SPACA1: variants seen among roughly 807,000 people sequenced by gnomAD.
The protein encoded by SPACA1 is sperm acrosome associated 1, also known as sperm acrosome membrane-associated protein 1.
A neutral mutation model predicts 32.6 loss-of-function variants in SPACA1; 17 were observed. That is an observed-to-expected ratio of 0.52 (90% CI 0.36 to 0.78). SPACA1 has a LOEUF of 0.78. Among genes scored for constraint, SPACA1 ranks in the 30% least tolerant of loss-of-function variants. SPACA1 has a pLI of 0.01. For synonymous variants in SPACA1, 140 were observed against 138.1 expected (o/e 1.01, Z -0.10); for missense variants, 363 against 373.4 (o/e 0.97, Z 0.23).
rs758167000 is a variant in SPACA1, at chr6:88,062,420, A to G, written c.611-1679A>G. ...CTGTATAATGCAATAGTTGGATCAG[A>G]TGATCTCTGTAGTTCTTTCTTCCAT... On this transcript the variant is annotated intron_variant, in intron 5 of 6. Coordinates refer to ENST00000237201, the MANE Select transcript of SPACA1 (RefSeq NM_030960.3). Among the ~76,000 whole-genome samples, 14 of 152,326 alleles carry G rather than the reference A, an allele frequency of 9.2e-5. No individual in the cohort carries two copies. In the East Asian group the frequency reaches 9.6e-4, roughly 10 times the overall value.
At chr6:88,061,507 GA>G (rs1775897415) in intron 5 of SPACA1, among the ~76,000 whole-genome samples, 1 of 151,894 alleles carries the variant, frequency 6.6e-6, no homozygotes, top group Non-Finnish European at 1.5e-5. Flanking sequence ...AAGACACAGA[GA>G]AACAGACATA....
chr6:88,058,568 G>A (rs927159809), intron 3 of SPACA1, 148 bp from the exon 4 acceptor site: 18 of 560,050 alleles, frequency 3.2e-5, no homozygotes, highest in South Asian at 6.7e-5. Context: ...GAGCCCAGGA[G>A]GCAGAGATTG....
chr6:88,065,527 T>C (rs1306176793), intron 6 of SPACA1, among the ~76,000 whole-genome samples: 1 of 149,446 alleles, frequency 6.7e-6, no homozygotes, highest in Non-Finnish European at 1.5e-5. Flanking sequence ...AGTGCCTTTT[T>C]ATTCATTATT....
intron 5 of SPACA1, 97 bp downstream of exon 5, chr6:88,059,685 C>G (rs1464351566): frequency 1.1e-5 from 13 of 1,202,876 alleles, no homozygotes; most frequent in Non-Finnish European, 1.5e-5. Flanking sequence ...CTCTAGCCCT[C>G]CCCCCAGAGT....
intron 1 of SPACA1, among the ~76,000 whole-genome samples, chr6:88,049,330 A>G (rs931559506): frequency 2.0e-5 from 3 of 152,246 alleles, no homozygotes; most frequent in African/African-American, 7.2e-5. Context: ...CAATAAAGTT[A>G]TAATGTCTTA....
Position 88,057,694 on chromosome 6 carries a change from T to C in SPACA1, c.348T>C (p.Arg116=). ...GTGTTGTACGGGTAGAAGAATGCCG[T>C]GGACCAACAGATTGTGGCTGTGAGT... is the stretch of plus-strand genomic sequence containing the variant. ...SKCVVRVEEC[R]GPTDCGWGKP... Residue 116 remains arginine, a synonymous_variant, in exon 3 of 7, where the codon CGT becomes CGC. Coordinates refer to ENST00000237201, the MANE Select transcript of SPACA1 (RefSeq NM_030960.3). The C allele has an allele frequency of 6.2e-7, 1 of 1,613,962 alleles. No homozygotes were observed. The highest frequency in any genetic ancestry group is 8.5e-7 in the Non-Finnish European group (1 of 1,179,892).
chr6:88,049,053 A>G (rs1329137690), intron 1 of SPACA1, among the ~76,000 whole-genome samples: 3 of 152,204 alleles, frequency 2.0e-5, no homozygotes, highest in East Asian at 1.9e-4. Flanking sequence ...CAGCACCAAC[A>G]GAAAGAAATG....
intron 2 of SPACA1, 94 bp downstream of exon 2, chr6:88,054,096 T>C: frequency 9.9e-7 from 1 of 1,007,960 alleles, no homozygotes; most frequent in Non-Finnish European, 1.5e-6. Context: ...ACTTGTGTAC[T>C]TTCATGCATC....
chr6:88,047,840 C>T, upstream of SPACA1: 1 of 1,424,470 alleles, frequency 7.0e-7, no homozygotes, highest in Non-Finnish European at 9.3e-7. Flanking sequence ...CAGCTCTCTT[C>T]GACGTACCTG....
Position 88,057,716 on chromosome 6 carries a change from G to A in SPACA1, c.367+3G>A. On this transcript the variant is annotated splice_donor_region_variant and intron_variant, in intron 3 of 6. Transcript: ENST00000237201. ...CCGTGGACCAACAGATTGTGGCTGTGAGTTGAATTATGTATTGGAGGGAGA... is the reference window on the plus strand; with the variant it reads ...CCGTGGACCAACAGATTGTGGCTGTAAGTTGAATTATGTATTGGAGGGAGA... The A allele has an allele frequency of 6.2e-7, 1 of 1,612,660 alleles. No homozygotes were observed. Among genetic ancestry groups the A allele is most frequent in the Non-Finnish European group, 8.5e-7 (1 of 1,178,692 alleles).
chr6:88,061,499 GAC>G (rs1443690105), intron 5 of SPACA1, among the ~76,000 whole-genome samples: 1 of 151,906 alleles, frequency 6.6e-6, no homozygotes, highest in Non-Finnish European at 1.5e-5. Flanking sequence ...GCCAGGTGAA[GAC>G]ACAGAGAAAC....
chr6:88,053,271 T>A (rs1202956554), intron 1 of SPACA1, among the ~76,000 whole-genome samples: 1 of 152,234 alleles, frequency 6.6e-6, no homozygotes, highest in East Asian at 1.9e-4. Flanking sequence ...ATTTTTTCTA[T>A]TGAGACTTTC....
At position 88,066,236 on chromosome 6, in the gene SPACA1, C is replaced by G; in HGVS notation, c.786C>G (p.Ser262=). Residue 262 remains serine, a synonymous_variant, in exon 7 of 7, where the codon TCC becomes TCG. Coordinates refer to ENST00000237201, the MANE Select transcript of SPACA1 (RefSeq NM_030960.3). ...GAKASTPEVQ[S]EQSSVRYKDS... The stretch of plus-strand genomic sequence containing the variant: ...AAGCCTCTACACCTGAGGTACAATC[C>G]GAGCAGAGTTCTGTGAGATACAAAG... 1 of 1,611,884 alleles carries G rather than the reference C, an allele frequency of 6.2e-7. No homozygotes were observed. Among genetic ancestry groups the G allele is most frequent in the African/African-American group, 1.3e-5 (1 of 74,958 alleles).
chr6:88,059,669 AC>A, intron 5 of SPACA1, 81 bp downstream of exon 5: 3 of 1,372,120 alleles, frequency 2.2e-6, no homozygotes, highest in Non-Finnish European at 3.0e-6. Context: ...TTGTTAAAAC[AC>A]CAGTCTCTAG....
chr6:88,049,060 A>G (rs1010801337), intron 1 of SPACA1, among the ~76,000 whole-genome samples: 10 of 152,216 alleles, frequency 6.6e-5, no homozygotes, highest in African/African-American at 2.2e-4. Context: ...AACAGAAAGA[A>G]ATGAACTGTC....
intron 2 of SPACA1, among the ~76,000 whole-genome samples, chr6:88,057,382 T>C (rs1307124836): frequency 6.6e-6 from 1 of 152,202 alleles, no homozygotes; most frequent in Non-Finnish European, 1.5e-5. Flanking sequence ...CTTTTTCTTA[T>C]GGTAACCAGA....
At chr6:88,047,101 C>T (rs1356981405), upstream of SPACA1, among the ~76,000 whole-genome samples, 1 of 152,170 alleles carries the variant, frequency 6.6e-6, no homozygotes, top group African/African-American at 2.4e-5. Context: ...TCAACCCTAA[C>T]TTTTCAGCGC....
In SPACA1 at chr6:88,064,161, A is replaced by T. The variant is rs766186430; in HGVS notation, c.673A>T (p.Ile225Leu). ...TGCAGCCCTAATTTTTGTGCTGACCATAGGAGTCATTATCTGTGTATTTAT... is the reference window on the plus strand; with the variant it reads ...TGCAGCCCTAATTTTTGTGCTGACCTTAGGAGTCATTATCTGTGTATTTAT... Reference protein sequence around the residue: ...TDAALIFVLTIGVIICVFIIF... With the variant: ...TDAALIFVLTLGVIICVFIIF... Residue 225 changes from isoleucine (I) to leucine (L), a missense_variant, in exon 6 of 7, where the codon ATA (isoleucine) becomes TTA (leucine). Transcript: ENST00000237201. 6.2e-7 allele frequency: 1 copy of T among 1,613,432 alleles called. No homozygotes were observed. The highest frequency in any genetic ancestry group is 8.5e-7 in the Non-Finnish European group (1 of 1,179,576).
At chr6:88,048,452 C>T (rs573883927) in intron 1 of SPACA1, among the ~76,000 whole-genome samples, 29 of 124,118 alleles carry the variant, frequency 2.3e-4, no homozygotes, top group African/African-American at 7.7e-4. Context: ...CAGTCACTTT[C>T]CCTTCTCATA....
Sources: allele counts gnomAD v4.1 joint callset (sites outside exome capture counted in the v4.1 genomes callset), GRCh38; gene constraint gnomAD v4.1.1; transcripts MANE v1.5; gene names NCBI Gene and HGNC (gene_info 2026-07-23, HGNC 2026-07-21).